The following NKAIN2 variants were observed in gnomAD, a reference collection of about 807,000 sequenced individuals.
NKAIN2 encodes sodium/potassium transporting ATPase interacting 2, also known as sodium/potassium-transporting ATPase subunit beta-1-interacting protein 2.
In NKAIN2, 14 loss-of-function variants were observed where a neutral mutation model predicts 32.6. The observed-to-expected ratio is 0.43, with a 90% CI of 0.28 to 0.67. The LOEUF is 0.67. NKAIN2 is among the 30% of genes least tolerant of loss of function. NKAIN2 has a pLI of 0.17. For missense variants in NKAIN2, 198 were observed against 258.3 expected, an observed-to-expected ratio of 0.77 and a Z score of 1.60; for synonymous variants, 80 against 87.2, an observed-to-expected ratio of 0.92 and a Z score of 0.46.
chr6:124,532,311 A>T (rs550458789), intron 3 of NKAIN2, among the ~76,000 whole-genome samples: 3 of 152,174 alleles, frequency 2.0e-5, no homozygotes, highest in African/African-American at 7.2e-5. Context: ...AAGCAAGCAA[A>T]GTCTCATACC....
intron 3 of NKAIN2, among the ~76,000 whole-genome samples, chr6:124,448,926 C>T (rs1330441833): frequency 1.3e-5 from 2 of 152,098 alleles, no homozygotes; most frequent in African/African-American, 4.8e-5. Context: ...CATGCCTGGT[C>T]AAGCCTTCTC....
chr6:124,280,428 G>A (rs73770386), intron 1 of NKAIN2, among the ~76,000 whole-genome samples: 3,756 of 151,834 alleles, frequency 0.025, 148 homozygotes, highest in African/African-American at 0.084. Flanking sequence ...AAAAGGTAAG[G>A]GCATAGCAAA....
intron 3 of NKAIN2, among the ~76,000 whole-genome samples, chr6:124,541,357 CCA>C (rs1327921015): frequency 6.6e-6 from 1 of 152,102 alleles, no homozygotes; most frequent in South Asian, 2.1e-4. Context: ...TCTCTAAACT[CCA>C]GTTTCCCCAT....
At chr6:124,330,222 A>G (rs567610656) in intron 2 of NKAIN2, among the ~76,000 whole-genome samples, 5 of 152,334 alleles carry the variant, frequency 3.3e-5, no homozygotes, top group Admixed American at 6.5e-5. Flanking sequence ...ATTGCCAGCT[A>G]TCATGAAGTG....
At chr6:124,714,272 C>A (rs1487283156) in intron 4 of NKAIN2, among the ~76,000 whole-genome samples, 3 of 152,156 alleles carry the variant, frequency 2.0e-5, no homozygotes, top group Admixed American at 6.5e-5. Flanking sequence ...AGCCATAAAG[C>A]ACAGTCATGA....
chr6:124,777,326 G>GTA (rs1209247320), intron 4 of NKAIN2, among the ~76,000 whole-genome samples: 1 of 152,192 alleles, frequency 6.6e-6, no homozygotes, highest in East Asian at 1.9e-4. Context: ...CTGGCAGACA[G>GTA]TAGAGTGGTT....
chr6:124,134,526 A>G (rs1046241998), intron 1 of NKAIN2, among the ~76,000 whole-genome samples: 3 of 152,174 alleles, frequency 2.0e-5, no homozygotes, highest in Admixed American at 6.5e-5. Context: ...TCTACTAAAA[A>G]TACAAAAATT....
At chr6:124,574,143 G>C (rs1319516315) in intron 3 of NKAIN2, among the ~76,000 whole-genome samples, 1 of 152,136 alleles carries the variant, frequency 6.6e-6, no homozygotes, top group East Asian at 1.9e-4. Context: ...CAGCTGCAGG[G>C]CAACTGTTTT....
intron 3 of NKAIN2, among the ~76,000 whole-genome samples, chr6:124,446,728 G>A (rs1775908946): frequency 6.6e-6 from 1 of 152,052 alleles, no homozygotes; most frequent in Non-Finnish European, 1.5e-5. Flanking sequence ...TCTATGAAAC[G>A]TGGCATCTCA....
intron 3 of NKAIN2, among the ~76,000 whole-genome samples, chr6:124,523,852 A>T (rs1284342463): frequency 6.6e-6 from 1 of 152,214 alleles, no homozygotes; most frequent in Non-Finnish European, 1.5e-5. Flanking sequence ...TATTACCTAT[A>T]TTTAAAATAT....
chr6:124,347,714 G>A (rs975714075), intron 2 of NKAIN2, among the ~76,000 whole-genome samples: 13 of 152,092 alleles, frequency 8.5e-5, no homozygotes, highest in African/African-American at 2.9e-4. Flanking sequence ...CTCTGTATTG[G>A]TTATTCTAGT....
At chr6:124,780,877 C>A (rs562922540) in intron 4 of NKAIN2, among the ~76,000 whole-genome samples, 1 of 152,098 alleles carries the variant, frequency 6.6e-6, no homozygotes, top group Non-Finnish European at 1.5e-5. Flanking sequence ...GAGTCGGAAC[C>A]ACTGAAATGG....
chr6:124,672,694 A>C (rs981205036), intron 4 of NKAIN2, among the ~76,000 whole-genome samples: 10 of 152,062 alleles, frequency 6.6e-5, no homozygotes, highest in African/African-American at 2.4e-4. Flanking sequence ...GGAATAAGGG[A>C]AAGGAATAGA....
intron 3 of NKAIN2, among the ~76,000 whole-genome samples, chr6:124,469,543 T>G (rs1776891202): frequency 6.6e-6 from 1 of 152,150 alleles, no homozygotes. Context: ...ATAACAAAGG[T>G]CTATTATGGT....
At chr6:123,901,063 C>T (rs981931801) in intron 1 of NKAIN2, among the ~76,000 whole-genome samples, 4 of 152,168 alleles carry the variant, frequency 2.6e-5, no homozygotes, top group African/African-American at 9.7e-5. Context: ...ATTGCATCCT[C>T]GGTTGTCTTC....
At chr6:124,404,235 A>G (rs1444366692) in intron 3 of NKAIN2, among the ~76,000 whole-genome samples, 1 of 152,152 alleles carries the variant, frequency 6.6e-6, no homozygotes, top group Non-Finnish European at 1.5e-5. Context: ...ATTGGAAGAT[A>G]GGAGGATTTC....
chr6:124,024,024 A>G (rs775294782), intron 1 of NKAIN2, among the ~76,000 whole-genome samples: 1 of 152,156 alleles, frequency 6.6e-6, no homozygotes, highest in Non-Finnish European at 1.5e-5. Context: ...ATATCTTTCA[A>G]ATAATAAAAA....
intron 4 of NKAIN2, among the ~76,000 whole-genome samples, chr6:124,759,368 G>A (rs974478998): frequency 1.4e-4 from 21 of 151,954 alleles, no homozygotes; most frequent in African/African-American, 4.8e-4. Context: ...CTTACCAAGA[G>A]TTTAGAATAT....
At chr6:124,275,677 T>G (rs1215699275) in intron 1 of NKAIN2, among the ~76,000 whole-genome samples, 1 of 152,122 alleles carries the variant, frequency 6.6e-6, no homozygotes, top group Non-Finnish European at 1.5e-5. Context: ...TGAGGTTATT[T>G]AGGAATATTT....
Sources: gnomAD v4.1 joint callset for allele counts (sites outside exome capture counted in the v4.1 genomes callset) on GRCh38, gnomAD v4.1.1 for gene constraint, MANE v1.5 for transcripts, NCBI Gene and HGNC (gene_info 2026-07-23, HGNC 2026-07-21) for gene names.